The following IPCEF1 variants were observed in gnomAD, a reference collection of about 807,000 sequenced individuals.
IPCEF1 encodes the protein interactor protein for cytohesin exchange factors 1.
In IPCEF1, 31 loss-of-function variants were observed where a neutral mutation model predicts 50.9. That is an observed-to-expected ratio of 0.61 (90% CI 0.46 to 0.82). The LOEUF is 0.82. Ranked by LOEUF, IPCEF1 falls within the 40% of genes least tolerant of loss-of-function variation. The pLI, the probability that IPCEF1 is intolerant of heterozygous loss-of-function variation, is 0.00. For synonymous variants in IPCEF1, 181 were observed against 192.0 expected (o/e 0.94, Z 0.47); for missense variants, 458 against 514.0 (o/e 0.89, Z 1.05).
At chr6:154,222,201 C>T (rs560614532) in intron 6 of IPCEF1, among the ~76,000 whole-genome samples, 2 of 152,306 alleles carry the variant, frequency 1.3e-5, no homozygotes, top group East Asian at 3.9e-4. Flanking sequence ...TTGAAGATAA[C>T]AAATGAGAAG....
At chr6:154,257,504 T>C (rs1781491583) in intron 3 of IPCEF1, among the ~76,000 whole-genome samples, 2 of 152,228 alleles carry the variant, frequency 1.3e-5, no homozygotes, top group African/African-American at 4.8e-5. Flanking sequence ...TGTTTTTCTT[T>C]GTCTATCATT....
At chr6:154,254,092 A>G (rs905484968) in intron 3 of IPCEF1, among the ~76,000 whole-genome samples, 2 of 152,174 alleles carry the variant, frequency 1.3e-5, no homozygotes, top group Admixed American at 6.5e-5. Context: ...TTCTTAGCAT[A>G]TGGGAAATTT....
At chr6:154,230,189 T>C (rs1779611150) in intron 5 of IPCEF1, among the ~76,000 whole-genome samples, 1 of 152,176 alleles carries the variant, frequency 6.6e-6, no homozygotes, top group Admixed American at 6.5e-5. Context: ...CAAATTTGAA[T>C]AGGGTGAACT....
In IPCEF1 at chr6:154,213,046, G is replaced by C. The variant is rs184346015; in HGVS notation, c.452-191C>G. ...AGAGGCAGAAACAAATGGCCAATTC[G>C]GGGCTCCTGACCTCAAAGAGCATCC... On this transcript the variant is annotated intron_variant, in intron 8 of 11. Coordinates refer to ENST00000367220, the MANE Select transcript of IPCEF1 (RefSeq NM_001130700.2). The C allele has an allele frequency of 2.1e-5, 12 of 566,394 alleles. No individual in the cohort carries two copies. The Admixed American group carries it at 2.9e-4, about 14-fold the overall frequency. The allele number at this position is 566,394 out of a possible 1,614,324, so 35.1% of individuals were successfully genotyped here.
chr6:154,297,343 A>C (rs1234964118), intron 1 of IPCEF1, among the ~76,000 whole-genome samples: 1 of 152,076 alleles, frequency 6.6e-6, no homozygotes, highest in Non-Finnish European at 1.5e-5. Context: ...CCCAGCCCAA[A>C]GTCATTACCT....
intron 11 of IPCEF1, among the ~76,000 whole-genome samples, chr6:154,160,768 C>A (rs1798944289): frequency 6.6e-6 from 1 of 152,282 alleles, no homozygotes; most frequent in South Asian, 2.1e-4. Flanking sequence ...TCAGCCCTGA[C>A]AATTGTATCT....
chr6:154,346,160 G>T (rs1293565913), intron 1 of IPCEF1, among the ~76,000 whole-genome samples: 1 of 152,136 alleles, frequency 6.6e-6, no homozygotes, highest in Non-Finnish European at 1.5e-5. Flanking sequence ...GTGAGCCACT[G>T]CACCTGGCCT....
intron 10 of IPCEF1, among the ~76,000 whole-genome samples, chr6:154,183,395 G>A (rs933189203): frequency 6.6e-6 from 1 of 152,208 alleles, no homozygotes; most frequent in African/African-American, 2.4e-5. Context: ...ATTCATGGAT[G>A]ACTTAATGCT....
At chr6:154,347,242 A>G (rs771167093) in intron 1 of IPCEF1, among the ~76,000 whole-genome samples, 2 of 152,224 alleles carry the variant, frequency 1.3e-5, no homozygotes, top group Non-Finnish European at 2.9e-5. Flanking sequence ...ATTATAGTAT[A>G]TTCCCTCAGG....
chr6:154,233,376 G>C (rs748009419), intron 5 of IPCEF1, among the ~76,000 whole-genome samples: 2 of 152,104 alleles, frequency 1.3e-5, no homozygotes, highest in Admixed American at 6.5e-5. Context: ...AATAATACTA[G>C]TAAACTTACC....
chr6:154,312,981 G>A (rs1401546266), intron 1 of IPCEF1, among the ~76,000 whole-genome samples: 1 of 146,974 alleles, frequency 6.8e-6, no homozygotes. Context: ...GGAGGGTAAG[G>A]TGGGAAGATC....
intron 1 of IPCEF1, among the ~76,000 whole-genome samples, chr6:154,313,036 C>T (rs554052960): frequency 6.9e-4 from 91 of 132,206 alleles, no homozygotes; most frequent in African/African-American, 2.6e-3. Flanking sequence ...GAAATCAACC[C>T]CACTGCACTG....
chr6:154,335,888 A>G lies in IPCEF1; in HGVS notation c.-62+20784T>C, dbSNP rs915550893. On this transcript the variant is annotated intron_variant, in intron 1 of 11. Transcript: ENST00000367220. The stretch of plus-strand genomic sequence containing the variant: ...ATACAAATGACCAATAGATATATTA[A>G]AAAACACACAACATCACTAACTTGC... 2.0e-5 allele frequency among the ~76,000 whole-genome samples: 3 copies of G among 152,242 alleles called. No individual in the cohort carries two copies. In the South Asian group the frequency reaches 6.2e-4, roughly 31 times the overall value.
At chr6:154,169,523 C>A (rs887858206) in intron 10 of IPCEF1, among the ~76,000 whole-genome samples, 9 of 152,192 alleles carry the variant, frequency 5.9e-5, no homozygotes, top group Non-Finnish European at 8.8e-5. Flanking sequence ...GCAAATTATA[C>A]ACATGCTAAA....
At chr6:154,244,435 C>T (rs529331534) in intron 5 of IPCEF1, among the ~76,000 whole-genome samples, 20 of 152,110 alleles carry the variant, frequency 1.3e-4, no homozygotes, top group African/African-American at 3.6e-4. Context: ...AGCCAGATAG[C>T]GGCAAGCTTA....
At chr6:154,296,932 A>G (rs1661071740) in intron 1 of IPCEF1, among the ~76,000 whole-genome samples, 1 of 152,202 alleles carries the variant, frequency 6.6e-6, no homozygotes, top group Admixed American at 6.5e-5. Flanking sequence ...GGCCCCAGCC[A>G]CAGTGGAAGT....
At chr6:154,306,183 T>G (rs913954575) in intron 1 of IPCEF1, among the ~76,000 whole-genome samples, 2 of 152,130 alleles carry the variant, frequency 1.3e-5, no homozygotes, top group African/African-American at 2.4e-5. Context: ...TACATTAACC[T>G]CATCAGTGCT....
At chr6:154,188,720 T>C (rs1029757300) in intron 10 of IPCEF1, among the ~76,000 whole-genome samples, 2 of 152,234 alleles carry the variant, frequency 1.3e-5, no homozygotes, top group African/African-American at 2.4e-5. Flanking sequence ...CAGCACTCGA[T>C]TCATGAGAAA....
chr6:154,322,921 T>C (rs771529112), intron 1 of IPCEF1, among the ~76,000 whole-genome samples: 29 of 152,150 alleles, frequency 1.9e-4, no homozygotes, highest in Non-Finnish European at 3.7e-4. Flanking sequence ...ATACATGAAC[T>C]ATACTTGAAA....
Sources: allele counts gnomAD v4.1 joint callset (sites outside exome capture counted in the v4.1 genomes callset), GRCh38; gene constraint gnomAD v4.1.1; transcripts MANE v1.5; gene names NCBI Gene and HGNC (gene_info 2026-07-23, HGNC 2026-07-21).